The following WWOX variants were observed in gnomAD, a reference collection of about 807,000 sequenced individuals.
WWOX encodes WW domain containing oxidoreductase.
A neutral mutation model predicts 46.2 loss-of-function variants in WWOX; 69 were observed. That is an observed-to-expected ratio of 1.49 (90% confidence interval 1.23 to 1.82). The LOEUF (loss-of-function observed/expected upper bound fraction) is 1.82, where lower values mean the gene tolerates loss of function less well. WWOX is among the 40% of genes most tolerant of loss of function. The probability of loss-of-function intolerance (pLI) is 0.00; values close to 1 mark genes in which losing one functional copy is unlikely to be tolerated. For synonymous variants in WWOX, 359 were observed against 202.6 expected, an observed-to-expected ratio of 1.77 and a Z score of -6.56; for missense variants, 919 against 542.6, an observed-to-expected ratio of 1.69 and a Z score of -6.89.
chr16:79,013,443 CTTTG>C (rs2047352196), intron 8 of WWOX, among the ~76,000 whole-genome samples: 1 of 152,054 alleles, frequency 6.6e-6, no homozygotes, highest in African/African-American at 2.4e-5. Context: ...TTTTTCCCTT[CTTTG>C]TTTCTCTTTT....
intron 8 of WWOX, among the ~76,000 whole-genome samples, chr16:78,680,561 G>C (rs1004943905): frequency 2.6e-5 from 4 of 152,206 alleles, no homozygotes; most frequent in South Asian, 4.2e-4. Context: ...TGTAGAGCTG[G>C]GCTATCCAAT....
intron 6 of WWOX, among the ~76,000 whole-genome samples, chr16:78,394,414 G>A (rs1400209434): frequency 6.7e-6 from 1 of 150,250 alleles, no homozygotes; most frequent in East Asian, 2.0e-4. Flanking sequence ...CCATCCTAAG[G>A]CATTGAAAAA....
chr16:78,662,637 C>T (rs577949593), intron 8 of WWOX, among the ~76,000 whole-genome samples: 1 of 152,248 alleles, frequency 6.6e-6, no homozygotes, highest in Admixed American at 6.5e-5. Context: ...AAACATAAAA[C>T]AACATACATT....
intron 8 of WWOX, among the ~76,000 whole-genome samples, chr16:78,702,620 A>G (rs937049414): frequency 1.3e-5 from 2 of 151,584 alleles, no homozygotes; most frequent in Non-Finnish European, 2.9e-5. Flanking sequence ...GCACCACTGT[A>G]CTTCAGCCTG....
At chr16:79,202,490 A>C (rs1039261745) in intron 8 of WWOX, 3 of 152,198 alleles carry the variant, frequency 2.0e-5, no homozygotes, top group African/African-American at 7.2e-5. Context: ...AAGTATGAAA[A>C]AGCCCAAGCC....
chr16:78,837,310 G>C (rs1294948932), intron 8 of WWOX, among the ~76,000 whole-genome samples: 2 of 152,150 alleles, frequency 1.3e-5, no homozygotes, highest in African/African-American at 4.8e-5. Context: ...AACACTTAGA[G>C]AAGTGAACGA....
chr16:78,301,122 A>T (rs1352753373), intron 5 of WWOX, among the ~76,000 whole-genome samples: 1 of 152,214 alleles, frequency 6.6e-6, no homozygotes, highest in African/African-American at 2.4e-5. Context: ...AACTAAAGGC[A>T]TTGCTGTACG....
chr16:78,657,905 G>A (rs2550630), intron 8 of WWOX, among the ~76,000 whole-genome samples: 1 of 152,078 alleles, frequency 6.6e-6, no homozygotes. Flanking sequence ...GTTCTCATTA[G>A]AAAGTATAGT....
intron 8 of WWOX, among the ~76,000 whole-genome samples, chr16:78,915,043 A>T (rs949442471): frequency 6.6e-6 from 1 of 152,136 alleles, no homozygotes; most frequent in Admixed American, 6.5e-5. Context: ...ACTTAGCCTG[A>T]TCCACAAGTT....
At chr16:78,602,253 G>A (rs1335680793) in intron 8 of WWOX, among the ~76,000 whole-genome samples, 1 of 151,870 alleles carries the variant, frequency 6.6e-6, no homozygotes, top group Non-Finnish European at 1.5e-5. Context: ...ATTTTTTTTA[G>A]ACAGAGTCTC....
At chr16:78,825,539 T>C (rs567256984) in intron 8 of WWOX, 1 of 527,598 alleles carries the variant, frequency 1.9e-6, no homozygotes, top group African/African-American at 1.9e-5. Flanking sequence ...TAGAGCTTTA[T>C]GCTGAAAAGG....
At chr16:79,192,352 C>T (rs1391324108) in intron 8 of WWOX, among the ~76,000 whole-genome samples, 1 of 152,118 alleles carries the variant, frequency 6.6e-6, no homozygotes, top group Non-Finnish European at 1.5e-5. Context: ...CCCATCCATT[C>T]ATTCATTCAC....
At chr16:79,203,927 A>G (rs968471299) in intron 8 of WWOX, 9 of 152,200 alleles carry the variant, frequency 5.9e-5, no homozygotes, top group African/African-American at 2.2e-4. Flanking sequence ...TGTTTCAAAT[A>G]AACACACACT....
At chr16:78,737,285 TATA>T (rs542422261) in intron 8 of WWOX, among the ~76,000 whole-genome samples, 38 of 150,958 alleles carry the variant, frequency 2.5e-4, no homozygotes, top group Admixed American at 1.9e-3. Flanking sequence ...TGTATATGTG[TATA>T]TATATGTATA....
intron 5 of WWOX, among the ~76,000 whole-genome samples, chr16:78,207,575 G>T: frequency 6.8e-6 from 1 of 147,904 alleles, no homozygotes; most frequent in East Asian, 2.0e-4. Flanking sequence ...TCCTTTAATT[G>T]AGAAGCAGAA....
At chr16:78,747,226 T>C (rs1017628910) in intron 8 of WWOX, among the ~76,000 whole-genome samples, 3 of 150,680 alleles carry the variant, frequency 2.0e-5, no homozygotes, top group East Asian at 3.9e-4. Context: ...AGTCTCGCTC[T>C]TGTCATGCAG....
intron 8 of WWOX, among the ~76,000 whole-genome samples, chr16:78,997,148 G>C (rs1158606696): frequency 2.0e-5 from 3 of 151,764 alleles, no homozygotes; most frequent in Non-Finnish European, 4.4e-5. Flanking sequence ...GTGTGTGCCT[G>C]GTGAGGGGGG....
chr16:78,282,192 A>G (rs2079690771), intron 5 of WWOX, among the ~76,000 whole-genome samples: 3 of 152,156 alleles, frequency 2.0e-5, no homozygotes, highest in Admixed American at 2.0e-4. Flanking sequence ...CCGTTCCCTA[A>G]TGGTAAAATG....
intron 8 of WWOX, among the ~76,000 whole-genome samples, chr16:78,824,823 G>C (rs143420648): frequency 1.3e-5 from 2 of 152,100 alleles, no homozygotes; most frequent in South Asian, 2.1e-4. Flanking sequence ...TTGAGATTTG[G>C]GTGGAGACAC....
Sources: allele counts gnomAD v4.1 joint callset (sites outside exome capture counted in the v4.1 genomes callset), GRCh38; gene constraint gnomAD v4.1.1; transcripts MANE v1.5; gene names NCBI Gene and HGNC (gene_info 2026-07-23, HGNC 2026-07-21).